The following FBXO32 variants were observed in gnomAD, a reference collection of about 807,000 sequenced individuals.
FBXO32 encodes the protein F-box only protein 32.
FBXO32 carries 15 observed loss-of-function variants against 48.3 expected under a neutral mutation model. The observed-to-expected ratio is 0.31, with a 90% CI of 0.21 to 0.48. The LOEUF (loss-of-function observed/expected upper bound fraction) is 0.48. Ranked by LOEUF, FBXO32 falls within the 20% of genes least tolerant of loss-of-function variation. The pLI is 0.99. For missense variants in FBXO32, 309 were observed against 432.7 expected, an observed-to-expected ratio of 0.71 and a Z score of 2.54; for synonymous variants, 154 against 165.9, an observed-to-expected ratio of 0.93 and a Z score of 0.55.
chr8:123,534,643 G>C (rs1817275953), intron 2 of FBXO32, 59 bp downstream of exon 2: 2 of 1,106,222 alleles, frequency 1.8e-6, no homozygotes, highest in Admixed American at 1.8e-5. Context: ...TTTCATCCAA[G>C]AACCAATCAT....
At chr8:123,521,543 G>A (rs534636325) in intron 4 of FBXO32, among the ~76,000 whole-genome samples, 15 of 152,328 alleles carry the variant, frequency 9.8e-5, no homozygotes, top group African/African-American at 3.6e-4. Flanking sequence ...GATCTGGAGG[G>A]ACAGTAAACA....
Position 123,513,405 on chromosome 8 carries a change from A to C in FBXO32, c.467-23T>G. ...GGACTTGAGTAGGGAAGAAAAAAATAATTAAAGTTATGATACTGGAACACC... is the reference window on the plus strand; with the variant it reads ...GGACTTGAGTAGGGAAGAAAAAAATCATTAAAGTTATGATACTGGAACACC... On this transcript the variant is annotated intron_variant, in intron 5 of 8. Transcript: ENST00000517956. The surrounding 1 kb of genome is among the most constrained non-coding windows in gnomAD (Gnocchi z 4.3). The C allele has an allele frequency of 6.3e-7, 1 of 1,597,578 alleles. No homozygotes were observed. The highest frequency in any genetic ancestry group is 8.6e-7 in the Non-Finnish European group (1 of 1,167,168).
chr8:123,533,164 A>T (rs765087478), intron 3 of FBXO32, 27 bp downstream of exon 3: 5 of 1,579,924 alleles, frequency 3.2e-6, no homozygotes, highest in Non-Finnish European at 4.4e-6. Flanking sequence ...GGTTCAGTAT[A>T]ACTTAGTAAA....
At chr8:123,524,495 G>T (rs1817030372) in intron 4 of FBXO32, among the ~76,000 whole-genome samples, 1 of 152,156 alleles carries the variant, frequency 6.6e-6, no homozygotes, top group Admixed American at 6.6e-5. Context: ...TTTCAGAAGG[G>T]TGGGGTCACA....
intron 4 of FBXO32, among the ~76,000 whole-genome samples, chr8:123,515,260 G>T (rs1167032201): frequency 2.0e-5 from 3 of 152,156 alleles, no homozygotes; most frequent in Admixed American, 6.5e-5. Flanking sequence ...TTTTGAGACG[G>T]CATCTTGCTC....
intron 7 of FBXO32, among the ~76,000 whole-genome samples, chr8:123,505,235 C>T (rs10089389): frequency 0.055 from 8,436 of 152,248 alleles, 260 homozygotes; most frequent in Middle Eastern, 0.092. Context: ...CTTGAGGCAG[C>T]ATGATGAAGG....
In FBXO32 at chr8:123,506,467, G is replaced by A. The variant is rs1290043536; in HGVS notation, c.759C>T (p.Ala253=). 2.5e-6 allele frequency: 4 copies of A among 1,614,002 alleles called. No individual in the cohort carries two copies. The highest frequency in any genetic ancestry group is 3.3e-5 in the Admixed American group (2 of 60,002). Reference sequence around the variant, plus strand: ...CTTCGCTGAGCACGTGCAGGTCGGGGGCAGCCTGGCCCAGGCTGACCAGGT... The same window carrying A: ...CTTCGCTGAGCACGTGCAGGTCGGGAGCAGCCTGGCCCAGGCTGACCAGGT... ...GRDLVSLGQA[A]PDLHVLSEDR... Residue 253 remains alanine (A), a synonymous_variant, in exon 7 of 9, where the codon GCC becomes GCT. Coordinates refer to ENST00000517956, the MANE Select transcript of FBXO32 (RefSeq NM_058229.4). This position sits in a 1 kb window ranked among gnomAD's most constrained non-coding sequence, Gnocchi z 4.0.
At chr8:123,531,732 G>C (rs1817213983) in intron 4 of FBXO32, among the ~76,000 whole-genome samples, 166 bp downstream of exon 4, 1 of 152,180 alleles carries the variant, frequency 6.6e-6, no homozygotes, top group Admixed American at 6.5e-5. Flanking sequence ...TTAAGAACTT[G>C]AAGTACGTTG....
At chr8:123,523,927 C>T (rs1463792168) in intron 4 of FBXO32, among the ~76,000 whole-genome samples, 9 of 152,156 alleles carry the variant, frequency 5.9e-5, no homozygotes, top group South Asian at 2.1e-4. Flanking sequence ...ATACCAGGCG[C>T]GGTTCTACAG....
chr8:123,523,594 AAAAC>A (rs200155494), intron 4 of FBXO32, among the ~76,000 whole-genome samples: 1 of 138,298 alleles, frequency 7.2e-6, no homozygotes, highest in Non-Finnish European at 1.6e-5. Context: ...GTCTCAAAAC[AAAAC>A]AAACAACAAC....
intron 4 of FBXO32, among the ~76,000 whole-genome samples, chr8:123,516,033 A>G (rs562633683): frequency 5.3e-5 from 8 of 152,302 alleles, no homozygotes; most frequent in African/African-American, 1.9e-4. Flanking sequence ...TTGTTGAAAA[A>G]TGAAACTTTA....
At chr8:123,509,582 C>A (rs948689918) in intron 6 of FBXO32, among the ~76,000 whole-genome samples, 2 of 152,120 alleles carry the variant, frequency 1.3e-5, no homozygotes, top group African/African-American at 4.8e-5. Context: ...TGACTGTAGT[C>A]CCAGCTACTC....
At chr8:123,504,316 G>C (rs1398977111) in intron 8 of FBXO32, among the ~76,000 whole-genome samples, 3 of 152,118 alleles carry the variant, frequency 2.0e-5, no homozygotes, top group Non-Finnish European at 4.4e-5. Context: ...TAAAAGCTAT[G>C]TGTTTCCATG....
intron 7 of FBXO32, among the ~76,000 whole-genome samples, chr8:123,505,737 AAAAAC>A (rs1015730328): frequency 6.6e-5 from 10 of 152,234 alleles, no homozygotes; most frequent in African/African-American, 9.6e-5. Context: ...TTCCATCTCA[AAAAAC>A]AAAACAAAAC....
intron 4 of FBXO32, among the ~76,000 whole-genome samples, chr8:123,524,244 A>T (rs1817024931): frequency 6.6e-6 from 1 of 151,958 alleles, no homozygotes; most frequent in South Asian, 2.1e-4. Context: ...AGCCCCCTCC[A>T]ATTCTGTGGC....
intron 6 of FBXO32, among the ~76,000 whole-genome samples, chr8:123,510,775 G>A (rs922074934): frequency 1.3e-5 from 2 of 152,170 alleles, no homozygotes; most frequent in African/African-American, 4.8e-5. Flanking sequence ...GACTGTCTCC[G>A]GCTCTGTGCC....
At chr8:123,531,854 C>T (rs1817216188) in intron 4 of FBXO32, 44 bp downstream of exon 4, 1 of 1,602,650 alleles carries the variant, frequency 6.2e-7, no homozygotes, top group African/African-American at 1.3e-5. Flanking sequence ...GATGATTCAA[C>T]TTGGGAAAGA....
intron 1 of FBXO32, among the ~76,000 whole-genome samples, chr8:123,537,930 T>A (rs1817340574): frequency 6.6e-6 from 1 of 151,874 alleles, no homozygotes; most frequent in Non-Finnish European, 1.5e-5. Context: ...GGGTGGGCGG[T>A]GAGGGGGTGG....
At chr8:123,530,094 C>T (rs114722667) in intron 4 of FBXO32, among the ~76,000 whole-genome samples, 21 of 152,306 alleles carry the variant, frequency 1.4e-4, no homozygotes, top group African/African-American at 5.1e-4. Flanking sequence ...ATGGCATGAA[C>T]ATTTCACCCA....
Sources: allele counts gnomAD v4.1 joint callset (sites outside exome capture counted in the v4.1 genomes callset), GRCh38; gene constraint gnomAD v4.1.1; non-coding constraint Gnocchi (gnomAD v3.1); transcripts MANE v1.5; gene names NCBI Gene and HGNC (gene_info 2026-07-23, HGNC 2026-07-21).